RBM47: variants seen among roughly 807,000 people sequenced by gnomAD.
The protein encoded by RBM47 is RNA-binding protein 47.
Under a neutral mutation model 47.1 loss-of-function variants are expected in RBM47, and 21 were observed. The ratio of observed to expected loss-of-function variants is 0.45; its 90% CI spans 0.32 to 0.64. The LOEUF (loss-of-function observed/expected upper bound fraction) is 0.64. Among genes scored for constraint, RBM47 ranks in the 30% least tolerant of loss-of-function variants. The pLI is 0.05. For missense variants in RBM47, 708 were observed against 870.9 expected (o/e 0.81, Z 2.35); for synonymous variants, 375 against 361.7 (o/e 1.04, Z -0.42).
chr4:40,479,718 G>T (rs1720114748), intron 2 of RBM47, among the ~76,000 whole-genome samples: 1 of 151,988 alleles, frequency 6.6e-6, no homozygotes, highest in Non-Finnish European at 1.5e-5. Flanking sequence ...GCTCAGGCTG[G>T]TCTAGAACTC....
chr4:40,496,648 A>G (rs1317814636), intron 2 of RBM47, among the ~76,000 whole-genome samples: 1 of 152,216 alleles, frequency 6.6e-6, no homozygotes, highest in Non-Finnish European at 1.5e-5. Context: ...CGAAGTTTAC[A>G]GTGTGTCAGG....
At chr4:40,461,508 G>T (rs1717135496) in intron 3 of RBM47, among the ~76,000 whole-genome samples, 1 of 152,050 alleles carries the variant, frequency 6.6e-6, no homozygotes, top group African/African-American at 2.4e-5. Context: ...CCTTTTTATG[G>T]CAAAGAGAAA....
chr4:40,554,914 A>AC (rs1488636905), intron 1 of RBM47, among the ~76,000 whole-genome samples: 3 of 152,020 alleles, frequency 2.0e-5, no homozygotes, highest in Admixed American at 6.6e-5. Flanking sequence ...GGCACGCACC[A>AC]CAACACTCAG....
intron 4 of RBM47, 169 bp from the exon 5 acceptor site, chr4:40,436,816 A>G: frequency 1.4e-6 from 1 of 729,148 alleles, no homozygotes; most frequent in Non-Finnish European, 2.4e-6. Flanking sequence ...ATTTCAGCCT[A>G]GATTTGCATC....
At chr4:40,432,959 T>A (rs77609536) in intron 5 of RBM47, 97 bp from the exon 6 acceptor site, 86,599 of 1,472,464 alleles carry the variant, frequency 0.059, 2,894 homozygotes, top group Non-Finnish European at 0.066. Context: ...TTTATTTTTT[T>A]AAAAACTTTT....
At chr4:40,461,969 A>T (rs1717212129) in intron 3 of RBM47, among the ~76,000 whole-genome samples, 1 of 151,878 alleles carries the variant, frequency 6.6e-6, no homozygotes, top group Admixed American at 6.6e-5. Flanking sequence ...ACATTAATTT[A>T]TTTGGAATTT....
intron 2 of RBM47, among the ~76,000 whole-genome samples, chr4:40,525,963 A>G (rs1413353833): frequency 3.9e-5 from 6 of 152,196 alleles, no homozygotes; most frequent in Non-Finnish European, 8.8e-5. Flanking sequence ...CAGTCCCTTT[A>G]GCTGCCCATC....
intron 2 of RBM47, among the ~76,000 whole-genome samples, chr4:40,529,199 T>C (rs929930411): frequency 2.0e-5 from 3 of 151,726 alleles, no homozygotes; most frequent in African/African-American, 7.3e-5. Flanking sequence ...CCATCATAAG[T>C]AAAAAATATC....
Position 40,524,725 on chromosome 4 carries a change from A to G in RBM47, c.-155+19697T>C, listed in dbSNP as rs372232817. ...AGCCTTGACCTCCTGGGCTCAAGCA[A>G]TCCTCCTGCTTCAGCCTCCTGAGTA... On this transcript the variant is annotated intron_variant, in intron 2 of 6. Transcript: ENST00000295971. Among the ~76,000 whole-genome samples, 90 of 152,286 alleles carry G rather than the reference A, an allele frequency of 5.9e-4. No homozygotes were observed. In the East Asian group the frequency reaches 0.01, roughly 17 times the overall value.
intron 1 of RBM47, among the ~76,000 whole-genome samples, chr4:40,604,714 T>TTTGTTGTTGTTG (rs57799277): frequency 0.21 from 31,847 of 151,692 alleles, 3,836 homozygotes; most frequent in East Asian, 0.34. Flanking sequence ...CACATGGCTC[T>TTTGTTGTTGTTG]TTGTTGTTGT....
intron 2 of RBM47, among the ~76,000 whole-genome samples, chr4:40,496,838 G>A (rs1419679139): frequency 2.0e-5 from 3 of 151,896 alleles, no homozygotes; most frequent in Admixed American, 2.0e-4. Context: ...TCAGGAGTTC[G>A]AGACTAGCCT....
At chr4:40,429,008 T>C (rs933836978) in intron 6 of RBM47, among the ~76,000 whole-genome samples, 3 of 152,132 alleles carry the variant, frequency 2.0e-5, no homozygotes, top group Non-Finnish European at 4.4e-5. Context: ...AATGAATAAC[T>C]CATAAGTTTT....
chr4:40,547,404 CTG>C (rs1467537745), intron 1 of RBM47, among the ~76,000 whole-genome samples: 1 of 152,204 alleles, frequency 6.6e-6, no homozygotes, highest in East Asian at 1.9e-4. Flanking sequence ...CGAGGGATGA[CTG>C]TGTGAGGGCA....
intron 1 of RBM47, among the ~76,000 whole-genome samples, chr4:40,611,384 C>T (rs1018544932): frequency 6.6e-6 from 1 of 152,128 alleles, no homozygotes; most frequent in Admixed American, 6.6e-5. Flanking sequence ...TGTATCCACT[C>T]AATGAATAAA....
chr4:40,527,536 C>T (rs761095648), intron 2 of RBM47, among the ~76,000 whole-genome samples: 1 of 150,072 alleles, frequency 6.7e-6, no homozygotes, highest in Non-Finnish European at 1.5e-5. Context: ...AGTCATCCAC[C>T]CGCCTTGGAC....
At chr4:40,470,156 G>A (rs1577715628) in intron 2 of RBM47, among the ~76,000 whole-genome samples, 1 of 152,074 alleles carries the variant, frequency 6.6e-6, no homozygotes, top group South Asian at 2.1e-4. Flanking sequence ...AAGATTTGTG[G>A]GGCAGTTTCT....
intron 3 of RBM47, among the ~76,000 whole-genome samples, chr4:40,453,121 G>C (rs1577670287): frequency 6.6e-6 from 1 of 152,118 alleles, no homozygotes; most frequent in Non-Finnish European, 1.5e-5. Context: ...TTACAGGCTT[G>C]AGCCACTGTA....
intron 1 of RBM47, among the ~76,000 whole-genome samples, chr4:40,583,794 C>A (rs1367754609): frequency 1.4e-5 from 2 of 148,050 alleles, no homozygotes; most frequent in Non-Finnish European, 3.0e-5. Flanking sequence ...GGAGGCAGAG[C>A]TTGCAGTGAG....
intron 1 of RBM47, among the ~76,000 whole-genome samples, chr4:40,577,192 C>T (rs537012617): frequency 2.3e-4 from 35 of 152,240 alleles, no homozygotes; most frequent in African/African-American, 8.4e-4. Flanking sequence ...CTCAAATAGC[C>T]TTCCTGGAGT....
Sources: allele counts gnomAD v4.1 joint callset (sites outside exome capture counted in the v4.1 genomes callset), GRCh38; gene constraint gnomAD v4.1.1; transcripts MANE v1.5; gene names NCBI Gene and HGNC (gene_info 2026-07-23, HGNC 2026-07-21).